LARGE1: variants seen among roughly 807,000 people sequenced by gnomAD.
LARGE1 encodes xylosyl- and glucuronyltransferase LARGE1.
Under a neutral mutation model 87.6 loss-of-function variants are expected in LARGE1, and 43 were observed. That is an observed-to-expected ratio of 0.49 (90% CI 0.38 to 0.63). LARGE1 has a LOEUF of 0.63. Among genes scored for constraint, LARGE1 ranks in the 30% least tolerant of loss-of-function variants. LARGE1 has a pLI of 0.00. For missense variants in LARGE1, 802 were observed against 1,000.2 expected (o/e 0.80, Z 2.67); for synonymous variants, 434 against 394.6 (o/e 1.10, Z -1.18).
At chr22:33,654,299 G>T (rs80216) in intron 2 of LARGE1, among the ~76,000 whole-genome samples, 144,657 of 152,016 alleles carry the variant, frequency 0.95, 68,736 homozygotes, top group Middle Eastern at 0.99. Flanking sequence ...CCGGTTTGTT[G>T]GTTTGTTTTA....
chr22:33,634,360 G>A (rs1053886425), intron 3 of LARGE1, among the ~76,000 whole-genome samples: 2 of 152,196 alleles, frequency 1.3e-5, no homozygotes, highest in African/African-American at 4.8e-5. Flanking sequence ...CACTGCTGCT[G>A]CCGGCCCAGG....
chr22:33,880,317 C>T (rs986370911), intron 1 of LARGE1, among the ~76,000 whole-genome samples: 1 of 152,194 alleles, frequency 6.6e-6, no homozygotes. Flanking sequence ...CAACCATCCG[C>T]AGCTTCTATG....
At chr22:33,139,288 G>T in the LARGE1 span, among the ~76,000 whole-genome samples, 1 of 152,090 alleles carries the variant, frequency 6.6e-6, no homozygotes, top group African/African-American at 2.4e-5. Flanking sequence ...TTTTCCATGT[G>T]CTTGTTGGCC....
chr22:33,909,618 A>T (rs1355215212), intron 1 of LARGE1, among the ~76,000 whole-genome samples: 1 of 151,644 alleles, frequency 6.6e-6, no homozygotes, highest in Non-Finnish European at 1.5e-5. Context: ...GGCTCACTGC[A>T]AGCTCTGACT....
At chr22:33,196,519 A>T (rs937900094) in intron 11 of LARGE1, among the ~76,000 whole-genome samples, 1 of 152,156 alleles carries the variant, frequency 6.6e-6, no homozygotes, top group African/African-American at 2.4e-5. Context: ...TATTTTTATT[A>T]AGAAAACATT....
At chr22:33,605,714 C>T (rs2079234023) in intron 4 of LARGE1, among the ~76,000 whole-genome samples, 1 of 152,140 alleles carries the variant, frequency 6.6e-6, no homozygotes, top group African/African-American at 2.4e-5. Context: ...TGAGTACCTA[C>T]TAGAAATAAA....
At position 33,304,420 on chromosome 22, in the gene LARGE1, G is replaced by A. The variant is rs991188836; in HGVS notation, c.1539C>T (p.Phe513=). Residue 513 remains phenylalanine (F), a synonymous_variant, in exon 12 of 15, where the codon TTC becomes TTT. Coordinates refer to ENST00000397394, the MANE Select transcript of LARGE1 (RefSeq NM_133642.5). ...LYLSDAEAQQ[F]LRYAQGSEVL... ...CCTCAGAGCCCTGTGCGTAGCGGAGGAACTGCTGGGCCTCGGCGTCTGACA... is the reference window on the plus strand; with the variant it reads ...CCTCAGAGCCCTGTGCGTAGCGGAGAAACTGCTGGGCCTCGGCGTCTGACA... 1.2e-6 allele frequency: 2 copies of A among 1,614,240 alleles called. No homozygotes were observed. The highest frequency in any genetic ancestry group is 1.7e-6 in the Non-Finnish European group (2 of 1,180,050).
chr22:33,748,024 CAAAAAAAAAAAAA>C (rs535230421), intron 2 of LARGE1, among the ~76,000 whole-genome samples: 20 of 21,736 alleles, frequency 9.2e-4, no homozygotes, highest in South Asian at 8.2e-3. Flanking sequence ...TCTGCTGGAG[CAAAAAAAAAAAAA>C]AAAAAAAAAA....
intron 10 of LARGE1, among the ~76,000 whole-genome samples, chr22:33,320,279 C>T (rs142486566): frequency 1.6e-3 from 236 of 152,166 alleles, no homozygotes; most frequent in African/African-American, 5.1e-3. Context: ...GACTTTGTTC[C>T]GTGCCATGCT....
chr22:33,379,262 CTT>C (rs71320972), intron 9 of LARGE1, among the ~76,000 whole-genome samples: 2 of 130,676 alleles, frequency 1.5e-5, no homozygotes, highest in Non-Finnish European at 1.7e-5. Flanking sequence ...TGATTTCTTT[CTT>C]TTTTTTTTTT....
At chr22:33,135,879 A>AAAT in the LARGE1 span, among the ~76,000 whole-genome samples, 6 of 151,836 alleles carry the variant, frequency 4.0e-5, no homozygotes, top group South Asian at 2.1e-4. Context: ...AAATAAAATA[A>AAAT]AAGTGAGAAG....
At chr22:33,854,466 T>C (rs373754236) in intron 1 of LARGE1, among the ~76,000 whole-genome samples, 24 of 152,006 alleles carry the variant, frequency 1.6e-4, no homozygotes, top group African/African-American at 4.6e-4. Context: ...CCATCATGAG[T>C]CTTATTTTTA....
At chr22:33,691,136 G>A (rs925900799) in intron 2 of LARGE1, among the ~76,000 whole-genome samples, 1 of 152,158 alleles carries the variant, frequency 6.6e-6, no homozygotes, top group Non-Finnish European at 1.5e-5. Flanking sequence ...GGATGTCATT[G>A]AAAGAAATAA....
intron 11 of LARGE1, among the ~76,000 whole-genome samples, chr22:33,192,805 T>TA (rs1923853230): frequency 1.3e-5 from 2 of 152,182 alleles, no homozygotes; most frequent in African/African-American, 4.8e-5. Context: ...TTTCAGGTCT[T>TA]ACATTTAAGA....
Position 33,604,570 on chromosome 22 carries a change from G to A in LARGE1, c.492-12C>T. The A allele has an allele frequency of 6.2e-7, 1 of 1,614,062 alleles. No individual in the cohort carries two copies. On this transcript the variant is annotated splice_polypyrimidine_tract_variant and intron_variant, in intron 4 of 14. Coordinates refer to ENST00000397394, the MANE Select transcript of LARGE1 (RefSeq NM_133642.5). ...GCAGAGGGTTCCGTCTGTGGGGAGT[G>A]TGAGAAGGAAGGGTCAGGTGGAGAG...
rs1341286810 is a variant in LARGE1, at chr22:33,198,670, C to CACACACAT, written c.1731-31839_1731-31838insATGTGTGT. On this transcript the variant is annotated intron_variant, in intron 11 of 11. Transcript: ENST00000608642. ...ACACACACACACACACACACACACA[C>CACACACAT]ACACACGTATCTAAAATACTATACT... 8.0e-5 allele frequency among the ~76,000 whole-genome samples: 7 copies of CACACACAT among 87,840 alleles called. 1 individual carries two copies. The highest frequency in any genetic ancestry group is 2.5e-4 in the African/African-American group (7 of 28,084). 57.6% of individuals were successfully genotyped at this position (87,840 alleles called of 152,430 possible). A position where few individuals can be genotyped will look rare whatever the true frequency, so the allele number is the denominator to read the frequency against.
chr22:33,793,701 T>C (rs2085891745), intron 1 of LARGE1, among the ~76,000 whole-genome samples: 1 of 152,184 alleles, frequency 6.6e-6, no homozygotes, highest in Non-Finnish European at 1.5e-5. Context: ...AATAGAACTT[T>C]TTCCAGCTCC....
In LARGE1 at chr22:33,283,108, A is replaced by G. The variant is rs928611104; in HGVS notation, c.1877+94T>C. Reference sequence around the variant, plus strand: ...GCCTCACAATGGACTAAGGCGAGCGACAAACTTCCAGATCGATAGCTTTGG... The same window carrying G: ...GCCTCACAATGGACTAAGGCGAGCGGCAAACTTCCAGATCGATAGCTTTGG... On this transcript the variant is annotated intron_variant, in intron 13 of 14. Coordinates refer to ENST00000397394, the MANE Select transcript of LARGE1 (RefSeq NM_133642.5). The G allele has an allele frequency of 6.1e-5, 94 of 1,531,528 alleles. No homozygotes were observed. The East Asian group carries it at 2.1e-3, about 34-fold the overall frequency. The allele number at this position is 1,531,528 out of a possible 1,614,324, so 94.9% of individuals were successfully genotyped here.
intron 1 of LARGE1, among the ~76,000 whole-genome samples, chr22:33,785,151 A>G (rs1224007666): frequency 1.3e-5 from 2 of 148,634 alleles, no homozygotes; most frequent in Admixed American, 6.7e-5. Context: ...ACATATGTGT[A>G]TATACATATA....
Sources: allele counts gnomAD v4.1 joint callset (sites outside exome capture counted in the v4.1 genomes callset), GRCh38; gene constraint gnomAD v4.1.1; transcripts MANE v1.5; gene names NCBI Gene and HGNC (gene_info 2026-07-23, HGNC 2026-07-21).